The following ANKS1B variants were observed in gnomAD, a reference collection of about 807,000 sequenced individuals.
ANKS1B encodes ankyrin repeat and sterile alpha motif domain containing 1B, also known as ankyrin repeat and sterile alpha motif domain-containing protein 1B.
A neutral mutation model predicts 148.3 loss-of-function variants in ANKS1B; 36 were observed. The ratio of observed to expected loss-of-function variants is 0.24; its 90% CI spans 0.19 to 0.32. ANKS1B has a LOEUF of 0.32. Ranked by LOEUF, ANKS1B falls within the 10% of genes least tolerant of loss-of-function variation. The pLI, the probability that ANKS1B is intolerant of heterozygous loss-of-function variation, is 1.00. For missense variants in ANKS1B, 1,157 were observed against 1,542.6 expected (o/e 0.75, Z 4.19); for synonymous variants, 542 against 560.8 (o/e 0.97, Z 0.47).
At chr12:99,780,591 G>T (rs10745873) in intron 5 of ANKS1B, among the ~76,000 whole-genome samples, 1 of 151,908 alleles carries the variant, frequency 6.6e-6, no homozygotes, top group African/African-American at 2.4e-5. Context: ...TGACCCTATG[G>T]TATCTTTGGG....
intron 21 of ANKS1B, among the ~76,000 whole-genome samples, chr12:98,800,269 T>C (rs1232337091): frequency 1.4e-5 from 2 of 147,380 alleles, no homozygotes; most frequent in African/African-American, 2.5e-5. Context: ...ACAATGTCCA[T>C]CTAAATCAAA....
chr12:98,862,668 T>C (rs1490735731), intron 17 of ANKS1B, among the ~76,000 whole-genome samples: 2 of 152,196 alleles, frequency 1.3e-5, no homozygotes, highest in Non-Finnish European at 2.9e-5. Context: ...TGCATTCATA[T>C]GAACCAGTGC....
chr12:99,178,526 C>T lies in ANKS1B; in HGVS notation c.2420-24131G>A, dbSNP rs534017718. 5.9e-5 allele frequency among the ~76,000 whole-genome samples: 9 copies of T among 152,190 alleles called. No individual in the cohort carries two copies. In the East Asian group the frequency reaches 1.7e-3, roughly 29 times the overall value. ...GTTGCAATTGAAGAGGGCTGGGGGC[C>T]CTTTTTACCCTTGGGGATGCTGAAT... On this transcript the variant is annotated intron_variant, in intron 14 of 26. Coordinates refer to ENST00000683438, the MANE Select transcript of ANKS1B (RefSeq NM_001352186.2).
chr12:99,333,854 G>GTTTTTTTTT (rs10526476), intron 12 of ANKS1B, among the ~76,000 whole-genome samples: 22 of 107,450 alleles, frequency 2.0e-4, no homozygotes, highest in African/African-American at 8.4e-4. Context: ...CCAGTTCTCA[G>GTTTTTTTTT]TTTTTTTTTT....
chr12:99,584,005 G>A (rs2153230357), intron 9 of ANKS1B, among the ~76,000 whole-genome samples: 1 of 152,290 alleles, frequency 6.6e-6, no homozygotes, highest in South Asian at 2.1e-4. Context: ...GTATCATTCT[G>A]CTCTTAAACA....
At chr12:99,081,252 T>C (rs538327082) in intron 16 of ANKS1B, among the ~76,000 whole-genome samples, 1 of 149,924 alleles carries the variant, frequency 6.7e-6, no homozygotes, top group Non-Finnish European at 1.5e-5. Context: ...ACATCAAGAT[T>C]GTACTGAGCA....
intron 12 of ANKS1B, among the ~76,000 whole-genome samples, chr12:99,311,194 C>T (rs2154025806): frequency 6.6e-6 from 1 of 152,008 alleles, no homozygotes; most frequent in East Asian, 1.9e-4. Context: ...TTACTCTTGC[C>T]AATATTAATC....
intron 15 of ANKS1B, among the ~76,000 whole-genome samples, chr12:99,131,576 T>TAG (rs2066098061): frequency 6.6e-6 from 1 of 152,194 alleles, no homozygotes; most frequent in Non-Finnish European, 1.5e-5. Context: ...AAGTTATTTT[T>TAG]CCTAATTTTT....
intron 17 of ANKS1B, among the ~76,000 whole-genome samples, chr12:99,049,378 T>C (rs1320295466): frequency 6.6e-6 from 1 of 152,068 alleles, no homozygotes; most frequent in Non-Finnish European, 1.5e-5. Context: ...TTATCGCAAC[T>C]TTAGCAATGA....
intron 1 of ANKS1B, among the ~76,000 whole-genome samples, chr12:99,898,185 G>C (rs1034902294): frequency 4.6e-5 from 7 of 151,988 alleles, no homozygotes; most frequent in African/African-American, 1.4e-4. Flanking sequence ...TGACTACCCC[G>C]ATTTTTAAAA....
chr12:99,068,810 C>T (rs2045373437), intron 16 of ANKS1B, among the ~76,000 whole-genome samples: 1 of 152,048 alleles, frequency 6.6e-6, no homozygotes, highest in Admixed American at 6.6e-5. Context: ...CAGGCACAGG[C>T]AGCATCCTCT....
intron 9 of ANKS1B, among the ~76,000 whole-genome samples, chr12:99,588,090 T>C (rs995260707): frequency 1.3e-5 from 2 of 151,804 alleles, no homozygotes; most frequent in African/African-American, 2.4e-5. Flanking sequence ...AATGAAACAG[T>C]GCAAAGTTAA....
chr12:99,311,374 T>C (rs2083147513), intron 12 of ANKS1B, among the ~76,000 whole-genome samples: 1 of 152,092 alleles, frequency 6.6e-6, no homozygotes, highest in South Asian at 2.1e-4. Flanking sequence ...AGGGGGACAG[T>C]TTAAATGGAA....
At chr12:99,394,259 C>T (rs1363675072) in intron 12 of ANKS1B, among the ~76,000 whole-genome samples, 1 of 152,200 alleles carries the variant, frequency 6.6e-6, no homozygotes, top group Non-Finnish European at 1.5e-5. Context: ...CAGATTCCCA[C>T]CACATGGATC....
At chr12:99,320,368 C>G (rs567676483) in intron 12 of ANKS1B, among the ~76,000 whole-genome samples, 1 of 152,146 alleles carries the variant, frequency 6.6e-6, no homozygotes, top group Non-Finnish European at 1.5e-5. Context: ...TAGTCCCATA[C>G]TTTTTGGAGG....
chr12:99,512,418 C>T (rs2096775867), intron 9 of ANKS1B, among the ~76,000 whole-genome samples: 1 of 150,806 alleles, frequency 6.6e-6, no homozygotes, highest in Non-Finnish European at 1.5e-5. Flanking sequence ...TGGCTTGTTG[C>T]AGAAAAAAAA....
At chr12:99,386,711 A>G (rs2093874016) in intron 12 of ANKS1B, among the ~76,000 whole-genome samples, 1 of 152,218 alleles carries the variant, frequency 6.6e-6, no homozygotes, top group African/African-American at 2.4e-5. Context: ...AGAAAAATGA[A>G]TATCTTCCTC....
At chr12:99,642,191 A>G (rs186894878) in intron 9 of ANKS1B, among the ~76,000 whole-genome samples, 39 of 152,352 alleles carry the variant, frequency 2.6e-4, no homozygotes, top group African/African-American at 9.4e-4. Context: ...ACTGCACAAA[A>G]CAATAAAAAT....
chr12:99,909,529 A>T (rs2093924426), intron 1 of ANKS1B, among the ~76,000 whole-genome samples: 1 of 152,158 alleles, frequency 6.6e-6, no homozygotes, highest in African/African-American at 2.4e-5. Context: ...TTTCCTCCAC[A>T]GTCTCACCAA....
Sources: allele counts gnomAD v4.1 joint callset (sites outside exome capture counted in the v4.1 genomes callset), GRCh38; gene constraint gnomAD v4.1.1; transcripts MANE v1.5; gene names NCBI Gene and HGNC (gene_info 2026-07-23, HGNC 2026-07-21).